The following VTI1A variants were observed in gnomAD, a reference collection of about 807,000 sequenced individuals.
VTI1A encodes vesicle transport through interaction with t-SNAREs 1A.
VTI1A carries 22 observed loss-of-function variants against 34.9 expected under a neutral mutation model. The ratio of observed to expected loss-of-function variants is 0.63; its 90% CI spans 0.45 to 0.90. The LOEUF (loss-of-function observed/expected upper bound fraction) is 0.90, where lower values mean the gene tolerates loss of function less well. VTI1A is among the 40% of genes least tolerant of loss of function. The probability of loss-of-function intolerance (pLI) is 0.00; values close to 1 mark genes in which losing one functional copy is unlikely to be tolerated. For missense variants in VTI1A, 268 were observed against 275.6 expected (o/e 0.97, Z 0.20); for synonymous variants, 87 against 97.3 (o/e 0.89, Z 0.62).
chr10:112,472,903 T>G (rs571648071), intron 3 of VTI1A, among the ~76,000 whole-genome samples: 3 of 152,242 alleles, frequency 2.0e-5, no homozygotes, highest in African/African-American at 7.2e-5. Context: ...TTTAAAAAAT[T>G]ACATTTGTTG....
At chr10:112,617,853 T>C (rs183499525) in intron 5 of VTI1A, among the ~76,000 whole-genome samples, 1 of 152,188 alleles carries the variant, frequency 6.6e-6, no homozygotes, top group East Asian at 1.9e-4. Context: ...GGAATGAATA[T>C]AATAAAAGAT....
the VTI1A span, among the ~76,000 whole-genome samples, chr10:112,845,877 G>C: frequency 2.6e-5 from 4 of 152,136 alleles, no homozygotes; most frequent in Non-Finnish European, 5.9e-5. Flanking sequence ...AATTAGCCGG[G>C]CGTGGTGGCA....
chr10:112,566,257 G>A (rs1851899960), intron 5 of VTI1A, among the ~76,000 whole-genome samples: 1 of 151,954 alleles, frequency 6.6e-6, no homozygotes, highest in Non-Finnish European at 1.5e-5. Flanking sequence ...TTCATATTGA[G>A]ACTAGCTAAC....
chr10:112,523,300 G>A (rs999064065), intron 3 of VTI1A, among the ~76,000 whole-genome samples: 7 of 152,056 alleles, frequency 4.6e-5, no homozygotes, highest in African/African-American at 1.7e-4. Context: ...CATATACCAA[G>A]TAAAAATCGA....
chr10:112,548,098 T>C (rs1012138145), intron 5 of VTI1A, among the ~76,000 whole-genome samples: 3 of 152,220 alleles, frequency 2.0e-5, no homozygotes, highest in Non-Finnish European at 2.9e-5. Flanking sequence ...ACTGAACTAC[T>C]AATAGAGTTT....
At chr10:112,454,712 CAAA>C (rs10711229) in intron 1 of VTI1A, among the ~76,000 whole-genome samples, 37 of 134,544 alleles carry the variant, frequency 2.8e-4, no homozygotes, top group Non-Finnish European at 2.2e-4. Context: ...GCTTATAGAC[CAAA>C]AAAAAAAAAA....
At chr10:112,746,666 C>T (rs1022632784) in intron 7 of VTI1A, among the ~76,000 whole-genome samples, 3 of 152,116 alleles carry the variant, frequency 2.0e-5, no homozygotes, top group Non-Finnish European at 1.5e-5. Context: ...GTTGAGGGTC[C>T]TAAGAGCACC....
intron 7 of VTI1A, among the ~76,000 whole-genome samples, chr10:112,808,165 C>A (rs1355208374): frequency 2.6e-5 from 4 of 151,980 alleles, no homozygotes; most frequent in Non-Finnish European, 5.9e-5. Flanking sequence ...CTGCAGTGAG[C>A]TGTGATTGCA....
chr10:112,547,015 T>A (rs1025224990), intron 5 of VTI1A, among the ~76,000 whole-genome samples: 3 of 152,216 alleles, frequency 2.0e-5, no homozygotes, highest in Non-Finnish European at 4.4e-5. Context: ...CAGCAGTGGC[T>A]TACGCTTATA....
At chr10:112,483,611 G>C (rs1224533407) in intron 3 of VTI1A, among the ~76,000 whole-genome samples, 1 of 152,096 alleles carries the variant, frequency 6.6e-6, no homozygotes, top group Non-Finnish European at 1.5e-5. Flanking sequence ...CTTCTAGGAA[G>C]TTTAGCAACA....
intron 5 of VTI1A, among the ~76,000 whole-genome samples, chr10:112,556,129 A>G (rs1315913556): frequency 1.3e-5 from 2 of 151,948 alleles, no homozygotes; most frequent in Non-Finnish European, 2.9e-5. Flanking sequence ...ATCTGTGTAG[A>G]TTGAGGTTTC....
At chr10:112,472,279 T>C (rs1347293504) in intron 3 of VTI1A, among the ~76,000 whole-genome samples, 1 of 152,182 alleles carries the variant, frequency 6.6e-6, no homozygotes, top group Non-Finnish European at 1.5e-5. Context: ...GTGATGTGAT[T>C]GTTAGACCAG....
Position 112,576,835 on chromosome 10 carries a change from A to T in VTI1A, c.427+38505A>T, listed in dbSNP as rs537975559. ...TGACCTATAGTAAGAAATACATTTC[A>T]CGTCACAATTTATATTACACACACC... On this transcript the variant is annotated intron_variant, in intron 5 of 7. Transcript: ENST00000393077. 3.9e-5 allele frequency among the ~76,000 whole-genome samples: 6 copies of T among 152,338 alleles called. No homozygotes were observed. The South Asian group carries it at 1.2e-3, about 32-fold the overall frequency.
At chr10:112,838,625 C>T in the VTI1A span, among the ~76,000 whole-genome samples, 2 of 152,090 alleles carry the variant, frequency 1.3e-5, no homozygotes, top group Non-Finnish European at 2.9e-5. Flanking sequence ...CCTTCACTGC[C>T]CTTGCCTGTG....
intron 7 of VTI1A, among the ~76,000 whole-genome samples, chr10:112,811,493 G>C (rs1006141996): frequency 1.3e-5 from 2 of 151,810 alleles, no homozygotes; most frequent in Non-Finnish European, 2.9e-5. Flanking sequence ...AGGAGATAGA[G>C]ACCACGGTGA....
At chr10:112,672,142 T>A (rs1847874776) in intron 7 of VTI1A, among the ~76,000 whole-genome samples, 2 of 149,522 alleles carry the variant, frequency 1.3e-5, no homozygotes, top group Admixed American at 6.7e-5. Flanking sequence ...AAAATACGAG[T>A]TAAATGGCTA....
At chr10:112,702,890 C>T (rs758552268) in intron 7 of VTI1A, among the ~76,000 whole-genome samples, 2 of 152,108 alleles carry the variant, frequency 1.3e-5, no homozygotes, top group Non-Finnish European at 2.9e-5. Flanking sequence ...CTGGCTCTGC[C>T]CTATTTTTTA....
chr10:112,737,825 G>C, intron 7 of VTI1A: 1 of 1,060,002 alleles, frequency 9.4e-7, no homozygotes, highest in Non-Finnish European at 1.1e-6. Context: ...CATTTTTCTT[G>C]CATTTCTTTC....
intron 5 of VTI1A, among the ~76,000 whole-genome samples, chr10:112,649,951 A>G (rs1466031900): frequency 6.6e-6 from 1 of 152,238 alleles, no homozygotes; most frequent in Admixed American, 6.5e-5. Context: ...GGGTGAGTCA[A>G]TGAGTGAGAT....
Sources: gnomAD v4.1 joint callset for allele counts (sites outside exome capture counted in the v4.1 genomes callset) on GRCh38, gnomAD v4.1.1 for gene constraint, MANE v1.5 for transcripts, NCBI Gene and HGNC (gene_info 2026-07-23, HGNC 2026-07-21) for gene names.